Variants in PHF6 observed in about 807,000 individuals in gnomAD.
PHF6 encodes the protein PHD-like zinc finger protein.
A neutral mutation model predicts 34.0 loss-of-function variants in PHF6; 7 were observed. That is an observed-to-expected ratio of 0.21 (90% confidence interval 0.12 to 0.39). PHF6 has a LOEUF of 0.39. Ranked by LOEUF, PHF6 falls within the 10% of genes least tolerant of loss-of-function variation. The probability of loss-of-function intolerance (pLI) is 1.00; values close to 1 mark genes in which losing one functional copy is unlikely to be tolerated. For synonymous variants in PHF6, 89 were observed against 88.4 expected, an observed-to-expected ratio of 1.01 and a Z score of -0.04; for missense variants, 128 against 262.8, an observed-to-expected ratio of 0.49 and a Z score of 3.55.
At chrX:134,379,802 C>T (rs1351357092) in intron 3 of PHF6, among the ~76,000 whole-genome samples, 1 of 111,797 alleles carries the variant, frequency 8.9e-6, no homozygotes. Flanking sequence ...CTTCACGTTA[C>T]TGTGCTGATT....
At chrX:134,379,432 C>CTTTTTTTTTTTTTTTTTTTTT (rs34099570) in intron 3 of PHF6, among the ~76,000 whole-genome samples, 182 of 26,233 alleles carry the variant, frequency 6.9e-3, no homozygotes, top group Non-Finnish European at 8.0e-3. Context: ...CTTTTCTTTT[C>CTTTTTTTTTTTTTTTTTTTTT]TTTTTTTTTT....
chrX:134,394,025 A>T (rs1436133078), intron 5 of PHF6, 73 bp downstream of exon 5: 1 of 932,592 alleles, frequency 1.1e-6, no homozygotes, highest in Non-Finnish European at 1.5e-6. Flanking sequence ...AGTGAATTAT[A>T]CTATATTAAT....
At chrX:134,379,814 C>T (rs1042805752) in intron 3 of PHF6, among the ~76,000 whole-genome samples, 5 of 111,691 alleles carry the variant, frequency 4.5e-5, no homozygotes, top group African/African-American at 1.6e-4. Flanking sequence ...GTGCTGATTT[C>T]TGAGAACCAT....
At chrX:134,394,076 A>G in intron 5 of PHF6, 124 bp downstream of exon 5, 1 of 651,929 alleles carries the variant, frequency 1.5e-6, no homozygotes. Context: ...TACATTTAGA[A>G]GAATTGAGAA....
chrX:134,377,022 GTTC>G (rs1484372975), intron 1 of PHF6, among the ~76,000 whole-genome samples: 1 of 111,563 alleles, frequency 9.0e-6, no homozygotes, highest in African/African-American at 3.3e-5. Flanking sequence ...CTTTTACCGT[GTTC>G]TTAAGAGGTA....
intron 3 of PHF6, among the ~76,000 whole-genome samples, chrX:134,387,041 G>A (rs746125240): frequency 1.0e-3 from 113 of 111,530 alleles, no homozygotes; most frequent in African/African-American, 3.5e-3. Context: ...GTAGCTAAGC[G>A]TACATGCATT....
chrX:134,394,778 A>G (rs1369123269), intron 5 of PHF6, among the ~76,000 whole-genome samples: 2 of 109,932 alleles, frequency 1.8e-5, no homozygotes, highest in Non-Finnish European at 3.8e-5. Flanking sequence ...TGACCTCGTG[A>G]TCCGCCTGCC....
chrX:134,427,062 AT>A lies in PHF6; in HGVS notation c.*1411del, dbSNP rs35950131. ...AAAATTACACTGTGCTTAATGACTG[AT>A]TTTTTTTTAAACTGCGAGTCCCTTA... On this transcript the variant is annotated 3_prime_UTR_variant, in exon 11 of 11. Transcript: ENST00000370803. 22 of 159,079 alleles carry A rather than the reference AT, an allele frequency of 1.4e-4. No individual in the cohort carries two copies. Among genetic ancestry groups the A allele is most frequent in the Non-Finnish European group, 1.9e-4 (16 of 82,964 alleles). 13.1% of individuals were successfully genotyped at this position (159,079 alleles called of 1,213,427 possible).
In PHF6 at chrX:134,428,214, A is replaced by G. The variant is rs1305109979; in HGVS notation, c.*2554A>G. 6.9e-6 allele frequency: 1 copy of G among 144,944 alleles called. No individual in the cohort carries two copies. The highest frequency in any genetic ancestry group is 1.3e-5 in the Non-Finnish European group (1 of 74,717). 11.9% of individuals were successfully genotyped at this position (144,944 alleles called of 1,213,427 possible). A position where few individuals can be genotyped will look rare whatever the true frequency, so the allele number is the denominator to read the frequency against. ...ATTCTGGAGCATTTATTGCCTTACC[A>G]GAAATGTTAGTAGGAAATGTTCTTT... is the stretch of plus-strand genomic sequence containing the variant. On this transcript the variant is annotated 3_prime_UTR_variant, in exon 11 of 11. Coordinates refer to ENST00000370803, the MANE Select transcript of PHF6 (RefSeq NM_001015877.2).
chrX:134,412,954 T>G (rs908012404), intron 5 of PHF6, among the ~76,000 whole-genome samples: 1 of 112,129 alleles, frequency 8.9e-6, no homozygotes, highest in African/African-American at 3.2e-5. Flanking sequence ...ACCAGTGTTA[T>G]CCAGTAGAAC....
chrX:134,374,111 G>C (rs774283949), intron 1 of PHF6, among the ~76,000 whole-genome samples: 2 of 111,158 alleles, frequency 1.8e-5, no homozygotes, highest in Non-Finnish European at 3.8e-5. Context: ...GAGATCTTGG[G>C]AGTCTAGTGT....
chrX:134,405,802 A>ATG (rs2077420394), intron 5 of PHF6, among the ~76,000 whole-genome samples: 1 of 89,501 alleles, frequency 1.1e-5, no homozygotes, highest in South Asian at 5.3e-4. Flanking sequence ...GTGCATGTGT[A>ATG]TGTATATATA....
At chrX:134,420,776 T>G (rs1468579312) in intron 9 of PHF6, among the ~76,000 whole-genome samples, 1 of 110,699 alleles carries the variant, frequency 9.0e-6, no homozygotes, top group Non-Finnish European at 1.9e-5. Flanking sequence ...CTATTTTTTG[T>G]AGAGACAAGA....
chrX:134,406,572 TG>T (rs2077426050), intron 5 of PHF6, among the ~76,000 whole-genome samples: 4 of 111,432 alleles, frequency 3.6e-5, no homozygotes, highest in African/African-American at 1.3e-4. Context: ...AGAGAGTTGG[TG>T]TCCTGGTACG....
At chrX:134,395,937 G>T (rs2077375373) in intron 5 of PHF6, among the ~76,000 whole-genome samples, 1 of 112,007 alleles carries the variant, frequency 8.9e-6, no homozygotes, top group Admixed American at 9.5e-5. Context: ...CTGAATTCTA[G>T]AATTGAATTG....
intron 9 of PHF6, among the ~76,000 whole-genome samples, chrX:134,420,805 G>GCTGGTCTCAAACTC (rs1337801913): frequency 9.0e-6 from 1 of 110,795 alleles, no homozygotes; most frequent in Non-Finnish European, 1.9e-5. Flanking sequence ...TGTTGTCCAG[G>GCTGGTCTCAAACTC]CTGGTCTCAA....
At chrX:134,398,902 A>T (rs2077389456) in intron 5 of PHF6, among the ~76,000 whole-genome samples, 1 of 111,867 alleles carries the variant, frequency 8.9e-6, no homozygotes, top group African/African-American at 3.2e-5. Context: ...GATCTTGGCT[A>T]GAGATAGAAA....
intron 5 of PHF6, among the ~76,000 whole-genome samples, chrX:134,405,640 G>A: frequency 9.0e-6 from 1 of 110,849 alleles, no homozygotes; most frequent in Admixed American, 9.7e-5. Context: ...ACAGCATAAC[G>A]TTTCATCTTT....
intron 5 of PHF6, 111 bp downstream of exon 5, chrX:134,394,063 C>G: frequency 2.9e-6 from 2 of 695,471 alleles, no homozygotes; most frequent in South Asian, 2.4e-5. Context: ...TCTCAACATT[C>G]AGTACATTTA....
Sources: gnomAD v4.1 joint callset for allele counts (sites outside exome capture counted in the v4.1 genomes callset) on GRCh38, gnomAD v4.1.1 for gene constraint, MANE v1.5 for transcripts, NCBI Gene and HGNC (gene_info 2026-07-23, HGNC 2026-07-21) for gene names.